Variants in MYRIP observed in about 807,000 individuals in gnomAD.
MYRIP encodes myosin VIIA and Rab interacting protein.
In MYRIP, 49 loss-of-function variants were observed where a neutral mutation model predicts 98.0. The observed-to-expected ratio is 0.50, with a 90% CI of 0.40 to 0.63. The LOEUF is 0.63. Among genes scored for constraint, MYRIP ranks in the 30% least tolerant of loss-of-function variants. The pLI, the probability that MYRIP is intolerant of heterozygous loss-of-function variation, is 0.00. For synonymous variants in MYRIP, 404 were observed against 409.5 expected, an observed-to-expected ratio of 0.99 and a Z score of 0.16; for missense variants, 1,004 against 1,058.2, an observed-to-expected ratio of 0.95 and a Z score of 0.71.
chr3:40,023,400 A>G (rs1947044747), intron 2 of MYRIP, among the ~76,000 whole-genome samples: 1 of 152,186 alleles, frequency 6.6e-6, no homozygotes. Context: ...GAAAAACATA[A>G]TGTTACCCAG....
At chr3:40,061,195 A>G (rs542866798) in intron 3 of MYRIP, among the ~76,000 whole-genome samples, 4 of 152,298 alleles carry the variant, frequency 2.6e-5, no homozygotes, top group African/African-American at 7.2e-5. Context: ...TATTAAGCCC[A>G]GTACCCAATA....
chr3:40,038,531 A>G (rs1947434266), intron 2 of MYRIP, among the ~76,000 whole-genome samples: 7 of 152,124 alleles, frequency 4.6e-5, no homozygotes, highest in Admixed American at 4.6e-4. Context: ...GGACAAATAA[A>G]CAATATTCTG....
At chr3:39,843,255 C>CT (rs1233995961) in intron 1 of MYRIP, among the ~76,000 whole-genome samples, 2 of 152,140 alleles carry the variant, frequency 1.3e-5, no homozygotes. Context: ...AAAGACTGAG[C>CT]TGAGCATAAT....
chr3:39,832,509 G>A (rs982685497), intron 1 of MYRIP, among the ~76,000 whole-genome samples: 3 of 152,168 alleles, frequency 2.0e-5, no homozygotes, highest in Non-Finnish European at 4.4e-5. Context: ...ATTTGATAAG[G>A]AGGACAAATT....
intron 11 of MYRIP, among the ~76,000 whole-genome samples, chr3:40,231,497 A>C (rs1952657889): frequency 6.6e-6 from 1 of 152,168 alleles, no homozygotes; most frequent in Admixed American, 6.5e-5. Context: ...CAGGCCAAAA[A>C]CCATGGGTAA....
At chr3:40,063,500 CA>C (rs1420638669) in intron 3 of MYRIP, among the ~76,000 whole-genome samples, 1 of 152,224 alleles carries the variant, frequency 6.6e-6, no homozygotes, top group Non-Finnish European at 1.5e-5. Flanking sequence ...AAAGTACTAT[CA>C]ACTGCTTACT....
intron 3 of MYRIP, among the ~76,000 whole-genome samples, chr3:40,108,174 TG>T (rs1949087173): frequency 1.4e-5 from 2 of 138,204 alleles, no homozygotes; most frequent in Non-Finnish European, 3.2e-5. Flanking sequence ...GCAGTGTTTG[TG>T]AGAGAGAGAG....
chr3:39,981,508 G>T (rs1296502628), intron 2 of MYRIP, among the ~76,000 whole-genome samples: 2 of 152,194 alleles, frequency 1.3e-5, no homozygotes, highest in African/African-American at 4.8e-5. Context: ...CAGCAAATAT[G>T]GGGAGGTCAT....
At chr3:39,948,485 C>T (rs535249001) in intron 2 of MYRIP, among the ~76,000 whole-genome samples, 1 of 151,754 alleles carries the variant, frequency 6.6e-6, no homozygotes, top group Non-Finnish European at 1.5e-5. Context: ...AAAGAACAAG[C>T]AAATTTAAAA....
At chr3:40,058,219 G>C (rs915890839) in intron 3 of MYRIP, among the ~76,000 whole-genome samples, 4 of 152,120 alleles carry the variant, frequency 2.6e-5, no homozygotes, top group Non-Finnish European at 4.4e-5. Context: ...CTTGGGAATT[G>C]GTGAATGAGG....
At chr3:39,929,206 G>C (rs925554041) in intron 2 of MYRIP, among the ~76,000 whole-genome samples, 8 of 151,960 alleles carry the variant, frequency 5.3e-5, no homozygotes, top group African/African-American at 1.9e-4. Flanking sequence ...TAGCAAAACA[G>C]ATACCAGACT....
intron 2 of MYRIP, among the ~76,000 whole-genome samples, chr3:39,977,295 G>C (rs1046424634): frequency 1.3e-5 from 2 of 152,090 alleles, no homozygotes; most frequent in African/African-American, 4.8e-5. Flanking sequence ...TTCAGGCCAG[G>C]CTCAGGCTTA....
chr3:40,012,290 T>A (rs1946775210), intron 2 of MYRIP, among the ~76,000 whole-genome samples: 1 of 152,220 alleles, frequency 6.6e-6, no homozygotes, highest in South Asian at 2.1e-4. Flanking sequence ...GACTGGTGGC[T>A]TCAAAATATT....
At chr3:39,919,693 GGTGTGTGT>G (rs62719862) in intron 2 of MYRIP, among the ~76,000 whole-genome samples, 165 of 143,358 alleles carry the variant, frequency 1.2e-3, no homozygotes, top group African/African-American at 3.5e-3. Flanking sequence ...GGGTATGTGT[GGTGTGTGT>G]GTGTGTGTGT....
chr3:39,915,893 A>C (rs1485946996), intron 2 of MYRIP, among the ~76,000 whole-genome samples: 1 of 151,904 alleles, frequency 6.6e-6, no homozygotes, highest in African/African-American at 2.4e-5. Flanking sequence ...CATTAAATTT[A>C]TTTCTTTTCA....
intron 2 of MYRIP, among the ~76,000 whole-genome samples, chr3:39,976,349 C>T (rs1945750262): frequency 6.6e-6 from 1 of 152,166 alleles, no homozygotes; most frequent in South Asian, 2.1e-4. Context: ...AATGAGAGAC[C>T]ATCTCACACC....
chr3:39,947,823 G>A (rs529495732), intron 2 of MYRIP, among the ~76,000 whole-genome samples: 41 of 152,178 alleles, frequency 2.7e-4, no homozygotes, highest in African/African-American at 8.4e-4. Context: ...TACCCTAGAC[G>A]TACTGAATCA....
chr3:39,928,459 T>C (rs975012310), intron 2 of MYRIP, among the ~76,000 whole-genome samples: 8 of 151,500 alleles, frequency 5.3e-5, no homozygotes, highest in African/African-American at 1.9e-4. Flanking sequence ...AATGTAGCAA[T>C]ATATAAAAAG....
chr3:40,170,220 T>C (rs1434380742), intron 8 of MYRIP, 127 bp downstream of exon 8: 1 of 1,253,014 alleles, frequency 8.0e-7, no homozygotes, highest in Non-Finnish European at 1.1e-6. Flanking sequence ...GGGAGCGAAA[T>C]TGAAAGAGAA....
Sources: allele counts gnomAD v4.1 joint callset (sites outside exome capture counted in the v4.1 genomes callset), GRCh38; gene constraint gnomAD v4.1.1; transcripts MANE v1.5; gene names NCBI Gene and HGNC (gene_info 2026-07-23, HGNC 2026-07-21).